The following TRPC5 variants were observed in gnomAD, a reference collection of about 807,000 sequenced individuals.
The protein encoded by TRPC5 is transient receptor potential cation channel subfamily C member 5.
In TRPC5, 9 loss-of-function variants were observed where a neutral mutation model predicts 56.5. The ratio of observed to expected loss-of-function variants is 0.16; its 90% CI spans 0.10 to 0.28. The LOEUF (loss-of-function observed/expected upper bound fraction) is 0.28. Among genes scored for constraint, TRPC5 ranks in the 10% least tolerant of loss-of-function variants. The pLI is 1.00. For missense variants in TRPC5, 469 were observed against 748.9 expected, an observed-to-expected ratio of 0.63 and a Z score of 4.36; for synonymous variants, 282 against 278.5, an observed-to-expected ratio of 1.01 and a Z score of -0.13.
intron 2 of TRPC5, among the ~76,000 whole-genome samples, chrX:111,914,150 T>C (rs1428885630): frequency 1.8e-5 from 2 of 110,557 alleles, no homozygotes; most frequent in African/African-American, 6.6e-5. Context: ...ATTCAAAACA[T>C]GTCTAGGATT....
chrX:112,018,527 C>G (rs1222908173), intron 1 of TRPC5, among the ~76,000 whole-genome samples: 1 of 111,769 alleles, frequency 8.9e-6, no homozygotes, highest in Non-Finnish European at 1.9e-5. Flanking sequence ...CATGTCTTTT[C>G]AGAGAAGAGA....
chrX:111,860,768 A>G (rs1221957301), intron 3 of TRPC5, among the ~76,000 whole-genome samples: 5 of 112,239 alleles, frequency 4.5e-5, no homozygotes, highest in Non-Finnish European at 9.4e-5. Context: ...ATTCCCTAAA[A>G]TATAATGTAT....
chrX:112,048,724 G>C (rs1434730206), intron 1 of TRPC5, among the ~76,000 whole-genome samples: 1 of 112,431 alleles, frequency 8.9e-6, no homozygotes, highest in Non-Finnish European at 1.9e-5. Context: ...AGTTGTGTCT[G>C]AATTGGTAGG....
At chrX:112,035,823 G>A (rs1378896301) in intron 1 of TRPC5, among the ~76,000 whole-genome samples, 1 of 108,429 alleles carries the variant, frequency 9.2e-6, no homozygotes, top group Non-Finnish European at 1.9e-5. Flanking sequence ...AGGAGAGACG[G>A]GGTTTCACCG....
intron 1 of TRPC5, among the ~76,000 whole-genome samples, chrX:111,972,589 G>A (rs747234201): frequency 8.9e-6 from 1 of 112,379 alleles, no homozygotes; most frequent in African/African-American, 3.2e-5. Flanking sequence ...TGCTTGGTGC[G>A]TGGGTCTAAC....
intron 6 of TRPC5, among the ~76,000 whole-genome samples, chrX:111,842,013 G>A (rs1331816615): frequency 9.8e-6 from 1 of 101,945 alleles, no homozygotes; most frequent in Non-Finnish European, 2.0e-5. Context: ...GCCCAGCCTG[G>A]GATTGATCTA....
At chrX:112,043,441 T>C (rs958611355) in intron 1 of TRPC5, among the ~76,000 whole-genome samples, 4 of 111,662 alleles carry the variant, frequency 3.6e-5, no homozygotes, top group African/African-American at 1.3e-4. Context: ...TTCCCCTTCC[T>C]AACACGTATT....
chrX:111,780,290 C>A (rs1603024296), intron 9 of TRPC5, among the ~76,000 whole-genome samples: 1 of 101,877 alleles, frequency 9.8e-6, no homozygotes, highest in Non-Finnish European at 2.0e-5. Context: ...AGGTTTATTA[C>A]TTTTTTTTTT....
rs371783296 is a variant in TRPC5, at chrX:111,852,336, G to A, written c.1339C>T (p.Leu447=). 219 of 1,208,324 alleles carry A rather than the reference G, an allele frequency of 1.8e-4. No individual in the cohort carries two copies. The highest frequency in any genetic ancestry group is 2.3e-4 in the Non-Finnish European group (208 of 893,913). The change falls in exon 5 of 11, where the codon CTG becomes TTG. Residue 447 remains leucine (L), a synonymous_variant. Transcript: ENST00000262839. The part of the protein sequence containing the change: ...LMDFAMNSLY[L]ATISLKIVAY... ...ACAATCTTCAGGGAAATAGTTGCCA[G>A]GTAGAGGGAGTTCATTGCAAAATCC...
intron 3 of TRPC5, among the ~76,000 whole-genome samples, chrX:111,890,659 G>C (rs1474849858): frequency 8.9e-6 from 1 of 111,799 alleles, no homozygotes; most frequent in East Asian, 2.8e-4. Context: ...GTCAGACCAG[G>C]AGTCTGAAGA....
At chrX:111,815,303 C>G (rs1921824857) in intron 7 of TRPC5, among the ~76,000 whole-genome samples, 1 of 111,443 alleles carries the variant, frequency 9.0e-6, no homozygotes, top group African/African-American at 3.3e-5. Flanking sequence ...TGCAGATACA[C>G]AAAAAAATTA....
At chrX:112,030,672 C>T (rs766008414) in intron 1 of TRPC5, among the ~76,000 whole-genome samples, 379 of 112,291 alleles carry the variant, frequency 3.4e-3, no homozygotes, top group African/African-American at 0.012. Flanking sequence ...TCCTTTCACA[C>T]AGAATGTTTT....
At chrX:111,953,756 C>T (rs1927156249) in intron 1 of TRPC5, among the ~76,000 whole-genome samples, 1 of 112,674 alleles carries the variant, frequency 8.9e-6, no homozygotes, top group Non-Finnish European at 1.9e-5. Flanking sequence ...CTTCCACCAA[C>T]ATTTACCTCA....
At chrX:112,076,888 C>G (rs754452774) in intron 1 of TRPC5, among the ~76,000 whole-genome samples, 21 of 111,920 alleles carry the variant, frequency 1.9e-4, no homozygotes, top group Non-Finnish European at 3.6e-4. Context: ...TCTTAGCATT[C>G]TATCTGTAGA....
intron 1 of TRPC5, among the ~76,000 whole-genome samples, chrX:112,025,207 A>G (rs1362077830): frequency 8.9e-6 from 1 of 112,430 alleles, no homozygotes; most frequent in Non-Finnish European, 1.9e-5. Context: ...GTCTAGCTGC[A>G]GATAATCAAA....
chrX:111,805,994 G>GT (rs1485176446), intron 7 of TRPC5, among the ~76,000 whole-genome samples: 1 of 110,836 alleles, frequency 9.0e-6, no homozygotes, highest in Non-Finnish European at 1.9e-5. Context: ...CTGCAGCTCT[G>GT]TAGTTTTGGT....
intron 1 of TRPC5, among the ~76,000 whole-genome samples, chrX:112,065,273 T>C (rs1930555964): frequency 9.0e-6 from 1 of 111,163 alleles, no homozygotes; most frequent in Admixed American, 9.5e-5. Context: ...AAACTCAACA[T>C]ACTCAATACC....
At chrX:111,888,132 G>A (rs1164861120) in intron 3 of TRPC5, among the ~76,000 whole-genome samples, 2 of 111,454 alleles carry the variant, frequency 1.8e-5, no homozygotes. Flanking sequence ...AGGCAGAATA[G>A]CCAGTATAAA....
At position 111,852,281 on chromosome X, in the gene TRPC5, C is replaced by T. The variant is rs748032384; in HGVS notation, c.1377+17G>A. 6.7e-6 allele frequency: 8 copies of T among 1,202,352 alleles called. No individual in the cohort carries two copies. The South Asian group carries it at 1.1e-4, about 16-fold the overall frequency. On this transcript the variant is annotated intron_variant, in intron 5 of 10. Transcript: ENST00000262839. The stretch of plus-strand genomic sequence containing the variant: ...CAAAATCGCTGTGTAGGAAATATGG[C>T]AGACATTCCAATTTACCTTGACATA...
Sources: allele counts gnomAD v4.1 joint callset (sites outside exome capture counted in the v4.1 genomes callset), GRCh38; gene constraint gnomAD v4.1.1; transcripts MANE v1.5; gene names NCBI Gene and HGNC (gene_info 2026-07-23, HGNC 2026-07-21).